C14orf39: variants seen among roughly 807,000 people sequenced by gnomAD.
C14orf39 encodes the protein protein SIX6OS1.
In C14orf39, 66 loss-of-function variants were observed where a neutral mutation model predicts 85.6. The ratio of observed to expected loss-of-function variants is 0.77; its 90% CI spans 0.63 to 0.95. The LOEUF is 0.95. Ranked by LOEUF, C14orf39 falls within the 40% of genes least tolerant of loss-of-function variation. The pLI, the probability that C14orf39 is intolerant of heterozygous loss-of-function variation, is 0.00. For missense variants in C14orf39, 735 were observed against 663.9 expected (o/e 1.11, Z -1.18); for synonymous variants, 242 against 214.0 (o/e 1.13, Z -1.14).
rs763637139 is a variant in C14orf39 at position 60,466,970 on chromosome 14, G to A, written c.842C>T (p.Ser281Phe). ...CTTTATTGGTCTTACTAATTTCTGA[G>A]ATTCATAAGGAAGAAATAATTGACT... Reference protein sequence around the residue: ...QSSQLFLPYESQKLVRPIKMH... With the variant: ...QSSQLFLPYEFQKLVRPIKMH... The change falls in exon 10 of 18, where the codon TCT becomes TTT. Residue 281 changes from serine to phenylalanine, a missense_variant. Transcript: ENST00000321731. 2 of 1,458,080 alleles carry A rather than the reference G, an allele frequency of 1.4e-6. No individual in the cohort carries two copies. Among genetic ancestry groups the A allele is most frequent in the Non-Finnish European group, 1.8e-6 (2 of 1,099,852 alleles). The allele number at this position is 1,458,080 out of a possible 1,614,324, so 90.3% of individuals were successfully genotyped here.
chr14:60,457,198 T>C, intron 14 of C14orf39, 103 bp from the exon 15 acceptor site: 1 of 642,416 alleles, frequency 1.6e-6, no homozygotes, highest in Non-Finnish European at 2.5e-6. Flanking sequence ...TCCATGATGT[T>C]AACATTGCAC....
chr14:60,514,103 A>T (rs78162211), intron 1 of C14orf39, among the ~76,000 whole-genome samples: 4,589 of 152,262 alleles, frequency 0.03, 237 homozygotes, highest in African/African-American at 0.1. Context: ...GTGACCACAT[A>T]TTGGAAATTA....
intron 2 of C14orf39, chr14:60,496,218 C>A: frequency 2.4e-6 from 1 of 418,920 alleles, no homozygotes; most frequent in Admixed American, 2.5e-5. Flanking sequence ...GAATTCAGAT[C>A]TGCTGGGTGA....
intron 16 of C14orf39, among the ~76,000 whole-genome samples, chr14:60,452,199 C>G (rs984119811): frequency 5.3e-5 from 8 of 151,190 alleles, no homozygotes; most frequent in Admixed American, 3.3e-4. Flanking sequence ...AATTTCAAGC[C>G]TCATGGTAAC....
chr14:60,490,266 C>A (rs894038947), upstream of C14orf39, among the ~76,000 whole-genome samples: 3 of 152,016 alleles, frequency 2.0e-5, no homozygotes, highest in Admixed American at 6.6e-5. Flanking sequence ...TTGCAAACAA[C>A]AGAAATTAAT....
chr14:60,506,869 G>A (rs1167862122), intron 1 of C14orf39, among the ~76,000 whole-genome samples: 1 of 152,184 alleles, frequency 6.6e-6, no homozygotes, highest in Non-Finnish European at 1.5e-5. Context: ...TCCAAGAAAT[G>A]GGCCATGGGA....
chr14:60,441,037 T>C (rs934526653), intron 17 of C14orf39, among the ~76,000 whole-genome samples: 10 of 152,076 alleles, frequency 6.6e-5, no homozygotes, highest in African/African-American at 2.4e-4. Flanking sequence ...TCACCAACAA[T>C]AAGTAAAAAA....
intron 16 of C14orf39, among the ~76,000 whole-genome samples, chr14:60,445,550 C>T (rs1341234251): frequency 6.6e-6 from 1 of 152,128 alleles, no homozygotes. Context: ...TACAGGAGCA[C>T]CCAGATTCAT....
rs570246401 is a variant in C14orf39, at chr14:60,471,297, T to C, written c.554+120A>G. Reference sequence around the variant, plus strand: ...ATGACCTTTAAAATTACTTTTTAAATATTTTAATTAAACACAAAACAAATC... The same window carrying C: ...ATGACCTTTAAAATTACTTTTTAAACATTTTAATTAAACACAAAACAAATC... On this transcript the variant is annotated intron_variant, in intron 7 of 17. Coordinates refer to ENST00000321731, the MANE Select transcript of C14orf39 (RefSeq NM_174978.3). The C allele has an allele frequency of 8.1e-6, 7 of 863,498 alleles. No homozygotes were observed. In the African/African-American group the frequency reaches 8.8e-5, roughly 11 times the overall value. 53.5% of individuals were successfully genotyped at this position (863,498 alleles called of 1,614,324 possible).
intron 16 of C14orf39, among the ~76,000 whole-genome samples, chr14:60,454,479 C>T (rs1422027095): frequency 1.3e-5 from 2 of 151,938 alleles, no homozygotes; most frequent in Non-Finnish European, 2.9e-5. Context: ...TAGTTTTAAC[C>T]ACTACACTGT....
chr14:60,481,492 A>G (rs535558093), intron 4 of C14orf39, among the ~76,000 whole-genome samples: 12 of 151,194 alleles, frequency 7.9e-5, no homozygotes, highest in African/African-American at 2.7e-4. Flanking sequence ...CTCCATCTCT[A>G]TTTTTTTTTA....
chr14:60,457,165 T>C lies in C14orf39; in HGVS notation c.1180-70A>G, dbSNP rs576251716. 4 of 1,011,488 alleles carry C rather than the reference T, an allele frequency of 4.0e-6. No individual in the cohort carries two copies. In the African/African-American group the frequency reaches 6.7e-5, roughly 17 times the overall value. The allele number at this position is 1,011,488 out of a possible 1,614,324, so 62.7% of individuals were successfully genotyped here. A position where few individuals can be genotyped will look rare whatever the true frequency, so the allele number is the denominator to read the frequency against. The stretch of plus-strand genomic sequence containing the variant: ...CATTAATGACATACATAAAAATGCA[T>C]GAGGTGGAAAATACCTTATTAATCC... On this transcript the variant is annotated intron_variant, in intron 14 of 17. Coordinates refer to ENST00000321731, the MANE Select transcript of C14orf39 (RefSeq NM_174978.3).
upstream of C14orf39, among the ~76,000 whole-genome samples, chr14:60,489,212 A>G (rs945319056): frequency 6.6e-6 from 1 of 152,180 alleles, no homozygotes; most frequent in South Asian, 2.1e-4. Context: ...AATTATTCAC[A>G]AAGTCTTGCT....
At chr14:60,489,068 C>T (rs1325487216), upstream of C14orf39, among the ~76,000 whole-genome samples, 1 of 152,102 alleles carries the variant, frequency 6.6e-6, no homozygotes, top group East Asian at 1.9e-4. Flanking sequence ...ATTATCACAC[C>T]TGTGCTTATG....
At chr14:60,472,283 G>T (rs984476942) in intron 5 of C14orf39, among the ~76,000 whole-genome samples, 4 of 152,080 alleles carry the variant, frequency 2.6e-5, no homozygotes, top group African/African-American at 9.7e-5. Flanking sequence ...ATTTTATGAA[G>T]AAAATTTTAT....
At chr14:60,489,774 AAGAG>A (rs761777862), upstream of C14orf39, among the ~76,000 whole-genome samples, 1 of 152,220 alleles carries the variant, frequency 6.6e-6, no homozygotes, top group Non-Finnish European at 1.5e-5. Context: ...CAGAAAATGA[AAGAG>A]AGAGAATCTT....
intron 4 of C14orf39, among the ~76,000 whole-genome samples, chr14:60,482,100 A>C (rs1892667263): frequency 6.6e-6 from 1 of 152,196 alleles, no homozygotes; most frequent in Non-Finnish European, 1.5e-5. Flanking sequence ...CATAAACTAG[A>C]GGTATTCATG....
At position 60,455,077 on chromosome 14, in the gene C14orf39, A is replaced by T. The variant is rs377215660; in HGVS notation, c.1427T>A (p.Met476Lys). ...TCCAGGTGATCTAGAAGTATAACTC[A>T]TAAGAAAAGAAAGTCCAGGGGATTC... ...EKESPGLSFL[M>K]SYTSRSPGLN... Residue 476 changes from methionine to lysine, a missense_variant, in exon 16 of 18, where the codon ATG becomes AAG. Met to Lys is a moderately conservative substitution (Grantham distance 95). Coordinates refer to ENST00000321731, the MANE Select transcript of C14orf39 (RefSeq NM_174978.3). 1.9e-6 allele frequency: 3 copies of T among 1,579,368 alleles called. No individual in the cohort carries two copies. Among genetic ancestry groups the T allele is most frequent in the Non-Finnish European group, 2.6e-6 (3 of 1,166,900 alleles).
chr14:60,445,831 A>C (rs1890739796), intron 16 of C14orf39, among the ~76,000 whole-genome samples: 1 of 152,196 alleles, frequency 6.6e-6, no homozygotes, highest in African/African-American at 2.4e-5. Context: ...TCCTCAGCAA[A>C]TGTAAAAGGA....
Sources: allele counts gnomAD v4.1 joint callset (sites outside exome capture counted in the v4.1 genomes callset), GRCh38; gene constraint gnomAD v4.1.1; transcripts MANE v1.5; gene names NCBI Gene and HGNC (gene_info 2026-07-23, HGNC 2026-07-21).